TTLL7: variants seen among roughly 807,000 people sequenced by gnomAD.
TTLL7 encodes the protein tubulin polyglutamylase TTLL7.
Under a neutral mutation model 120.2 loss-of-function variants are expected in TTLL7, and 53 were observed. That is an observed-to-expected ratio of 0.44 (90% confidence interval 0.35 to 0.55). The LOEUF is 0.55. TTLL7 is among the 20% of genes least tolerant of loss of function. The pLI, the probability that TTLL7 is intolerant of heterozygous loss-of-function variation, is 0.00. For synonymous variants in TTLL7, 353 were observed against 351.7 expected (o/e 1.00, Z -0.04); for missense variants, 803 against 1,054.7 (o/e 0.76, Z 3.31).
At chr1:83,891,557 T>G (rs1571074935) in intron 18 of TTLL7, among the ~76,000 whole-genome samples, 1 of 152,036 alleles carries the variant, frequency 6.6e-6, no homozygotes, top group East Asian at 1.9e-4. Flanking sequence ...GGCCCAGCAG[T>G]TTCATTCCTG....
rs374931117 is a variant in TTLL7, at chr1:83,957,775, G to A, written c.-176-5388C>T. Among the ~76,000 whole-genome samples, 15 of 152,122 alleles carry A rather than the reference G, an allele frequency of 9.9e-5. 1 individual carries two copies. The East Asian group carries it at 1.9e-3, about 19-fold the overall frequency. On this transcript the variant is annotated intron_variant, in intron 1 of 20. Coordinates refer to ENST00000260505, the MANE Select transcript of TTLL7 (RefSeq NM_024686.6). ...CTTGATTTTGTTCGACTGAATCTAC[G>A]TTAAAAGCTGGAGCCCAAGGACATA...
At chr1:83,886,454 A>G (rs1182143891) in intron 19 of TTLL7, among the ~76,000 whole-genome samples, 1 of 152,072 alleles carries the variant, frequency 6.6e-6, no homozygotes, top group Non-Finnish European at 1.5e-5. Context: ...GTATAACAAC[A>G]CATCCAATTG....
chr1:83,930,339 C>T (rs537011614), intron 9 of TTLL7, among the ~76,000 whole-genome samples: 3 of 152,162 alleles, frequency 2.0e-5, no homozygotes, highest in East Asian at 3.9e-4. Context: ...TTGATGGATG[C>T]ATGGTACTCC....
chr1:83,975,254 C>T (rs987989080), intron 1 of TTLL7, among the ~76,000 whole-genome samples: 5 of 152,082 alleles, frequency 3.3e-5, no homozygotes, highest in African/African-American at 1.2e-4. Context: ...TGGCTCCCAG[C>T]CCCAAACTTT....
intron 1 of TTLL7, among the ~76,000 whole-genome samples, chr1:83,990,115 G>C (rs1342826912): frequency 6.6e-6 from 1 of 151,426 alleles, no homozygotes; most frequent in African/African-American, 2.4e-5. Flanking sequence ...GGGTTTTCTA[G>C]GTATTGGATC....
intron 15 of TTLL7, among the ~76,000 whole-genome samples, chr1:83,908,687 T>C (rs1279054497): frequency 6.6e-6 from 1 of 152,044 alleles, no homozygotes; most frequent in African/African-American, 2.4e-5. Flanking sequence ...TCAGTTCCTA[T>C]GGTCTATATA....
At chr1:83,914,048 A>C (rs1235359041) in intron 14 of TTLL7, among the ~76,000 whole-genome samples, 2 of 152,170 alleles carry the variant, frequency 1.3e-5, no homozygotes, top group African/African-American at 4.8e-5. Context: ...GATACTCTAA[A>C]ATATATTTCT....
At chr1:83,960,864 A>T (rs1052871329) in intron 1 of TTLL7, among the ~76,000 whole-genome samples, 13 of 152,122 alleles carry the variant, frequency 8.5e-5, no homozygotes, top group Non-Finnish European at 1.8e-4. Context: ...CATTGTGTGT[A>T]CAAATTGAAA....
rs1652929935 is a variant in TTLL7, at chr1:83,866,568, CTGTT to C, written c.*3390_*3393del. The stretch of plus-strand genomic sequence containing the variant: ...TTTAGGGAGAAAGAAATAGTTGAAA[CTGTT>C]TGTATATTTAGAAATAATTTTGACC... On this transcript the variant is annotated 3_prime_UTR_variant, in exon 21 of 21. Transcript: ENST00000260505. The C allele has an allele frequency of 6.6e-6, 1 of 151,718 alleles. No individual in the cohort carries two copies. The highest frequency in any genetic ancestry group is 2.1e-4 in the South Asian group (1 of 4,824). The allele number at this position is 151,718 out of a possible 1,614,324, so 9.4% of individuals were successfully genotyped here.
intron 1 of TTLL7, among the ~76,000 whole-genome samples, chr1:83,960,371 A>C (rs537084345): frequency 1.3e-5 from 2 of 152,300 alleles, no homozygotes; most frequent in South Asian, 4.1e-4. Context: ...AGAGAAGATA[A>C]GAGCTTGATT....
At chr1:83,982,184 T>C (rs1046038231) in intron 1 of TTLL7, among the ~76,000 whole-genome samples, 1 of 152,120 alleles carries the variant, frequency 6.6e-6, no homozygotes, top group African/African-American at 2.4e-5. Flanking sequence ...TTCTAAATAG[T>C]CCATGAATCA....
At chr1:83,985,617 A>C (rs534736146) in intron 1 of TTLL7, among the ~76,000 whole-genome samples, 22 of 152,268 alleles carry the variant, frequency 1.4e-4, no homozygotes, top group Non-Finnish European at 2.5e-4. Flanking sequence ...TGAAACAAAG[A>C]CGGGGGACGA....
intron 1 of TTLL7, among the ~76,000 whole-genome samples, chr1:83,964,639 G>C (rs925607495): frequency 3.9e-5 from 6 of 152,066 alleles, no homozygotes; most frequent in African/African-American, 1.4e-4. Context: ...GAGAAGTTCA[G>C]AGCTTTTCTT....
intron 10 of TTLL7, among the ~76,000 whole-genome samples, chr1:83,925,725 C>G (rs1459221186): frequency 6.6e-6 from 1 of 152,154 alleles, no homozygotes; most frequent in Non-Finnish European, 1.5e-5. Flanking sequence ...TTGTACTTAT[C>G]TATGAGCATA....
intron 1 of TTLL7, among the ~76,000 whole-genome samples, chr1:83,963,306 A>T (rs989628480): frequency 2.6e-5 from 4 of 152,124 alleles, no homozygotes; most frequent in African/African-American, 9.7e-5. Context: ...AATCTGGAAG[A>T]AGACAGGTTC....
chr1:83,878,015 A>G (rs1409233898), intron 20 of TTLL7, among the ~76,000 whole-genome samples: 1 of 151,810 alleles, frequency 6.6e-6, no homozygotes, highest in Non-Finnish European at 1.5e-5. Flanking sequence ...CATTTCTAAT[A>G]TTTTTGTTAT....
At position 83,878,770 on chromosome 1, in the gene TTLL7, G is replaced by C. The variant is rs572222637; in HGVS notation, c.2543+4193C>G. Among the ~76,000 whole-genome samples the C allele has an allele frequency of 1.1e-4, 16 of 152,062 alleles. 1 individual carries two copies. The South Asian group carries it at 2.5e-3, about 24-fold the overall frequency. On this transcript the variant is annotated intron_variant, in intron 20 of 20. Coordinates refer to ENST00000260505, the MANE Select transcript of TTLL7 (RefSeq NM_024686.6). ...GAGCTTATATGAAAGCTCAGTACAT[G>C]AAAGGTAGAAACCCAAAAATGTCTT... is the stretch of plus-strand genomic sequence containing the variant.
chr1:83,908,771 C>T (rs998127924), intron 15 of TTLL7, among the ~76,000 whole-genome samples: 1 of 151,714 alleles, frequency 6.6e-6, no homozygotes, highest in Non-Finnish European at 1.5e-5. Flanking sequence ...TCACATGAAG[C>T]CAGGTTGAAT....
intron 9 of TTLL7, among the ~76,000 whole-genome samples, chr1:83,931,473 T>C (rs1659592910): frequency 6.6e-6 from 1 of 152,084 alleles, no homozygotes; most frequent in Non-Finnish European, 1.5e-5. Context: ...AAAGATTCTT[T>C]TTAACTCTCC....
Sources: allele counts gnomAD v4.1 joint callset (sites outside exome capture counted in the v4.1 genomes callset), GRCh38; gene constraint gnomAD v4.1.1; transcripts MANE v1.5; gene names NCBI Gene and HGNC (gene_info 2026-07-23, HGNC 2026-07-21).